Variants in GALNT1 observed in about 807,000 individuals in gnomAD.
The protein encoded by GALNT1 is polypeptide N-acetylgalactosaminyltransferase 1.
A neutral mutation model predicts 65.7 loss-of-function variants in GALNT1; 17 were observed. The observed-to-expected ratio is 0.26, with a 90% CI of 0.18 to 0.39. The LOEUF is 0.39. Among genes scored for constraint, GALNT1 ranks in the 10% least tolerant of loss-of-function variants. The probability of loss-of-function intolerance (pLI) is 1.00; values close to 1 mark genes in which losing one functional copy is unlikely to be tolerated. For missense variants in GALNT1, 460 were observed against 672.8 expected, an observed-to-expected ratio of 0.68 and a Z score of 3.50; for synonymous variants, 210 against 219.7, an observed-to-expected ratio of 0.96 and a Z score of 0.39.
chr18:35,639,170 T>C (rs564645830), intron 1 of GALNT1, among the ~76,000 whole-genome samples: 2 of 152,324 alleles, frequency 1.3e-5, no homozygotes, highest in African/African-American at 4.8e-5. Flanking sequence ...CAAACAGCAT[T>C]GCATGCTGTA....
At chr18:35,609,829 T>C (rs1309755849) in intron 1 of GALNT1, among the ~76,000 whole-genome samples, 1 of 152,188 alleles carries the variant, frequency 6.6e-6, no homozygotes, top group East Asian at 1.9e-4. Flanking sequence ...GTTTTAACAC[T>C]GACATCCCAA....
intron 9 of GALNT1, among the ~76,000 whole-genome samples, chr18:35,693,738 A>G (rs1277658708): frequency 6.6e-6 from 1 of 152,196 alleles, no homozygotes; most frequent in African/African-American, 2.4e-5. Context: ...AGGTCTTTAC[A>G]TTTAAGAATA....
intron 4 of GALNT1, among the ~76,000 whole-genome samples, chr18:35,680,225 T>A (rs1184820658): frequency 6.6e-6 from 1 of 152,160 alleles, no homozygotes; most frequent in Admixed American, 6.5e-5. Context: ...GGAACATTGT[T>A]CTCTAGGGAA....
chr18:35,611,812 A>G lies in GALNT1; in HGVS notation c.-104+29950A>G, dbSNP rs1021703298. Among the ~76,000 whole-genome samples, 17 of 152,340 alleles carry G rather than the reference A, an allele frequency of 1.1e-4. No individual in the cohort carries two copies. The East Asian group carries it at 3.1e-3, about 28-fold the overall frequency. On this transcript the variant is annotated intron_variant, in intron 1 of 11. Transcript: ENST00000269195. Reference sequence around the variant, plus strand: ...GCAGTGTTTGACTGCCTTGGGAAACATTCTTAACTCAGTCTGTTTTGTTTC... The same window carrying G: ...GCAGTGTTTGACTGCCTTGGGAAACGTTCTTAACTCAGTCTGTTTTGTTTC...
At chr18:35,586,242 A>G (rs2046376830) in intron 1 of GALNT1, among the ~76,000 whole-genome samples, 1 of 151,926 alleles carries the variant, frequency 6.6e-6, no homozygotes, top group African/African-American at 2.4e-5. Flanking sequence ...TCAACTGTAT[A>G]TTTTCTTCAG....
At chr18:35,667,434 T>C (rs1209027074) in intron 3 of GALNT1, among the ~76,000 whole-genome samples, 1 of 152,128 alleles carries the variant, frequency 6.6e-6, no homozygotes, top group East Asian at 1.9e-4. Context: ...AATATGTAGC[T>C]CTGAAAGATA....
At chr18:35,703,118 C>A in intron 10 of GALNT1, 123 bp downstream of exon 10, 1 of 576,544 alleles carries the variant, frequency 1.7e-6, no homozygotes, top group South Asian at 3.2e-5. Flanking sequence ...ATAATAAAGA[C>A]TTTTAGGTGA....
At chr18:35,614,906 G>A (rs1294682425) in intron 1 of GALNT1, among the ~76,000 whole-genome samples, 1 of 151,466 alleles carries the variant, frequency 6.6e-6, no homozygotes, top group Non-Finnish European at 1.5e-5. Flanking sequence ...AAAAGAGAGG[G>A]CAAGATCTTT....
At chr18:35,659,339 T>G (rs1382030544) in intron 2 of GALNT1, among the ~76,000 whole-genome samples, 3 of 152,224 alleles carry the variant, frequency 2.0e-5, no homozygotes, top group African/African-American at 7.2e-5. Flanking sequence ...TACTTGTTAC[T>G]TGCCTGCTTC....
chr18:35,594,471 C>T (rs1283364437), intron 1 of GALNT1, among the ~76,000 whole-genome samples: 1 of 152,060 alleles, frequency 6.6e-6, no homozygotes. Context: ...AATAGTAAGG[C>T]TTGGTCTGGC....
chr18:35,658,600 T>A (rs1280927625), intron 2 of GALNT1, among the ~76,000 whole-genome samples: 1 of 152,168 alleles, frequency 6.6e-6, no homozygotes, highest in Non-Finnish European at 1.5e-5. Flanking sequence ...GTGGTGCATT[T>A]GAAGAGATGT....
At position 35,667,266 on chromosome 18, in the gene GALNT1, G is replaced by T. The variant is rs77211048; in HGVS notation, c.314+3464G>T. 2.9e-3 allele frequency among the ~76,000 whole-genome samples: 435 copies of T among 152,218 alleles called. 1 individual carries two copies. Among genetic ancestry groups the T allele is most frequent in the African/African-American group, 9.7e-3 (403 of 41,538 alleles). On this transcript the variant is annotated intron_variant, in intron 3 of 11. Coordinates refer to ENST00000269195, the MANE Select transcript of GALNT1 (RefSeq NM_020474.4). ...GCTTTCATGTTGGTCTTTTACTCTT[G>T]CTGTGATCATTTGCTCTGGGATAAG...
intron 1 of GALNT1, among the ~76,000 whole-genome samples, chr18:35,639,403 A>G (rs1162919426): frequency 6.6e-6 from 1 of 152,238 alleles, no homozygotes; most frequent in African/African-American, 2.4e-5. Context: ...TATATACATT[A>G]CTTTTAAAGA....
intron 1 of GALNT1, among the ~76,000 whole-genome samples, chr18:35,645,394 C>T (rs1056631825): frequency 2.0e-5 from 3 of 151,742 alleles, no homozygotes; most frequent in Non-Finnish European, 2.9e-5. Context: ...CCACCATGCC[C>T]GGCTAATTTT....
chr18:35,658,260 T>A (rs2047423083), intron 2 of GALNT1, among the ~76,000 whole-genome samples: 1 of 152,116 alleles, frequency 6.6e-6, no homozygotes, highest in African/African-American at 2.4e-5. Flanking sequence ...AGATGGAGCC[T>A]GTGTATTGTG....
chr18:35,691,240 C>A, intron 8 of GALNT1, 48 bp downstream of exon 8: 2 of 1,494,744 alleles, frequency 1.3e-6, no homozygotes, highest in East Asian at 2.3e-5. Flanking sequence ...CTTTGTTGAC[C>A]CTGATCCTGG....
chr18:35,589,480 G>C (rs1250261833), intron 1 of GALNT1, among the ~76,000 whole-genome samples: 1 of 151,356 alleles, frequency 6.6e-6, no homozygotes, highest in Non-Finnish European at 1.5e-5. Context: ...TCCCTTTCTT[G>C]GTCTTTTGAC....
chr18:35,691,314 A>G (rs1234889181), intron 8 of GALNT1, 122 bp downstream of exon 8: 2 of 710,094 alleles, frequency 2.8e-6, no homozygotes, highest in African/African-American at 1.8e-5. Flanking sequence ...TCATAAGGTC[A>G]TTGTAAGGAA....
At chr18:35,681,570 C>A (rs2047786926) in intron 4 of GALNT1, among the ~76,000 whole-genome samples, 1 of 151,740 alleles carries the variant, frequency 6.6e-6, no homozygotes, top group Non-Finnish European at 1.5e-5. Context: ...TGCTTTAGTT[C>A]TGAAGAAACG....
Sources: gnomAD v4.1 joint callset for allele counts (sites outside exome capture counted in the v4.1 genomes callset) on GRCh38, gnomAD v4.1.1 for gene constraint, MANE v1.5 for transcripts, NCBI Gene and HGNC (gene_info 2026-07-23, HGNC 2026-07-21) for gene names.